The following HECTD4 variants were observed in gnomAD, a reference collection of about 807,000 sequenced individuals.
The protein encoded by HECTD4 is probable E3 ubiquitin-protein ligase HECTD4.
HECTD4 carries 114 observed loss-of-function variants against 471.5 expected under a neutral mutation model. The ratio of observed to expected loss-of-function variants is 0.24; its 90% CI spans 0.21 to 0.28. The LOEUF is 0.28. Ranked by LOEUF, HECTD4 falls within the 10% of genes least tolerant of loss-of-function variation. The pLI is 1.00. For missense variants in HECTD4, 3,866 were observed against 5,651.5 expected, an observed-to-expected ratio of 0.68 and a Z score of 10.13; for synonymous variants, 2,012 against 2,256.0, an observed-to-expected ratio of 0.89 and a Z score of 3.07.
intron 25 of HECTD4, among the ~76,000 whole-genome samples, chr12:112,249,053 T>C (rs1419345168): frequency 6.6e-6 from 1 of 152,166 alleles, no homozygotes; most frequent in African/African-American, 2.4e-5. Context: ...AAAACTGACA[T>C]TGGCTGATAA....
chr12:112,221,449 G>A (rs984159125), intron 44 of HECTD4, among the ~76,000 whole-genome samples: 1 of 152,082 alleles, frequency 6.6e-6, no homozygotes, highest in Non-Finnish European at 1.5e-5. Context: ...ATTTTGCCCA[G>A]GCTGGTCTCA....
At chr12:112,229,606 T>G in intron 41 of HECTD4, 92 bp downstream of exon 41, 7 of 1,280,430 alleles carry the variant, frequency 5.5e-6, no homozygotes, top group Non-Finnish European at 7.6e-6. Context: ...TACAGCTGGT[T>G]GGATAATACT....
chr12:112,168,941 C>A (rs556888534), intron 70 of HECTD4, among the ~76,000 whole-genome samples: 1 of 152,306 alleles, frequency 6.6e-6, no homozygotes, highest in East Asian at 1.9e-4. Context: ...CCCGTGGGGG[C>A]AGATCAGAGG....
In HECTD4 at chr12:112,239,137, C is replaced by T; in HGVS notation, c.5205G>A (p.Gln1735=). 1 of 1,613,974 alleles carries T rather than the reference C, an allele frequency of 6.2e-7. No homozygotes were observed. The highest frequency in any genetic ancestry group is 8.5e-7 in the Non-Finnish European group (1 of 1,179,858). ...NQTESSSSEK[Q]TKKQKVATMA... The stretch of plus-strand genomic sequence containing the variant: ...TGGTGGCCACCTTCTGCTTCTTGGT[C>T]TGTTTCTCACTGGAGCTGGACTCGG... Residue 1735 remains glutamine (Q), a synonymous_variant, in exon 34 of 76, where the codon CAG becomes CAA. Coordinates refer to ENST00000682272, the MANE Select transcript of HECTD4 (RefSeq NM_001388303.1). The surrounding 1 kb of genome is among the most constrained non-coding windows in gnomAD (Gnocchi z 4.9).
rs1346250644 is a variant in HECTD4, at chr12:112,273,808, C to G, written c.1802-13G>C. 2 of 1,612,836 alleles carry G rather than the reference C, an allele frequency of 1.2e-6. No individual in the cohort carries two copies. The highest frequency in any genetic ancestry group is 1.1e-5 in the South Asian group (1 of 90,968). Reference sequence around the variant, plus strand: ...TCATAACACGCTCCTGCAAAAAGAGCATACTGTATTCAGTCACCATGCCAC... The same window carrying G: ...TCATAACACGCTCCTGCAAAAAGAGGATACTGTATTCAGTCACCATGCCAC... On this transcript the variant is annotated splice_polypyrimidine_tract_variant and intron_variant, in intron 10 of 75. Transcript: ENST00000682272.
intron 50 of HECTD4, among the ~76,000 whole-genome samples, chr12:112,209,422 T>C (rs986748893): frequency 6.6e-6 from 1 of 150,992 alleles, no homozygotes; most frequent in African/African-American, 2.4e-5. Flanking sequence ...CACCTCCCGG[T>C]TCAAGCAATT....
chr12:112,369,546 T>G (rs2036630111), intron 1 of HECTD4, among the ~76,000 whole-genome samples: 1 of 151,956 alleles, frequency 6.6e-6, no homozygotes, highest in Non-Finnish European at 1.5e-5. Context: ...GGTTTTCCCA[T>G]GTTGGCCAGG....
chr12:112,291,795 C>T lies in HECTD4; in HGVS notation c.1336-8493G>A, dbSNP rs182539115. Among the ~76,000 whole-genome samples, 379 of 152,184 alleles carry T rather than the reference C, an allele frequency of 2.5e-3. 1 individual carries two copies. The highest frequency in any genetic ancestry group is 4.4e-3 in the Non-Finnish European group (298 of 67,990). ...GCTGAGGCAGGAGAATGGCGTGAAC[C>T]GGGGAGGCGGAGCTTGCAGTGAGCC... On this transcript the variant is annotated intron_variant, in intron 7 of 75. Coordinates refer to ENST00000682272, the MANE Select transcript of HECTD4 (RefSeq NM_001388303.1).
intron 18 of HECTD4, 22 bp from the exon 19 acceptor site, chr12:112,259,287 C>T (rs1334498952): frequency 3.7e-6 from 6 of 1,613,000 alleles, no homozygotes; most frequent in Middle Eastern, 1.6e-4. Context: ...TCAAGAAAAA[C>T]ACACAGCCTA....
chr12:112,331,021 A>C lies in HECTD4; in HGVS notation c.178-11279T>G, dbSNP rs556571840. The stretch of plus-strand genomic sequence containing the variant: ...CCCGCCCCGGTCTGGTTACCTCAGA[A>C]TATGTGAGGATGGGGCCTAGGCATC... On this transcript the variant is annotated intron_variant, in intron 1 of 75. Transcript: ENST00000682272. 1.2e-4 allele frequency among the ~76,000 whole-genome samples: 19 copies of C among 152,228 alleles called. No homozygotes were observed. The South Asian group carries it at 3.1e-3, about 25-fold the overall frequency.
chr12:112,374,003 CAAAA>C (rs1007853408), intron 1 of HECTD4, among the ~76,000 whole-genome samples: 1 of 60,886 alleles, frequency 1.6e-5, no homozygotes, highest in African/African-American at 5.4e-5. Flanking sequence ...GACTCTGTCT[CAAAA>C]AAAAAAAAAA....
chr12:112,189,815 G>A (rs1351719996), intron 60 of HECTD4, among the ~76,000 whole-genome samples: 3 of 151,596 alleles, frequency 2.0e-5, no homozygotes, highest in Non-Finnish European at 2.9e-5. Flanking sequence ...GTGCAATGGC[G>A]CAATCTTGGC....
chr12:112,189,570 A>G (rs1363321491), intron 60 of HECTD4, among the ~76,000 whole-genome samples: 3 of 151,102 alleles, frequency 2.0e-5, no homozygotes, highest in Non-Finnish European at 4.4e-5. Flanking sequence ...AAAAAAAAAA[A>G]AAAAAGAAAG....
At chr12:112,248,586 T>G (rs1372465737) in intron 25 of HECTD4, 74 bp from the exon 26 acceptor site, 1 of 1,022,562 alleles carries the variant, frequency 9.8e-7, no homozygotes, top group Non-Finnish European at 1.4e-6. Context: ...TATTTTTATT[T>G]TTTATTTCTT....
intron 60 of HECTD4, among the ~76,000 whole-genome samples, chr12:112,189,922 T>G (rs1304180184): frequency 6.6e-6 from 1 of 152,100 alleles, no homozygotes; most frequent in Non-Finnish European, 1.5e-5. Context: ...CCCGGCCAAT[T>G]TTTTGTATTT....
rs4767530 is a variant in HECTD4, at chr12:112,241,372, C to T, written c.4959-1345G>A. The stretch of plus-strand genomic sequence containing the variant: ...ATGAGCCAGAGTTCTGACAAGGAGC[C>T]TGGCAGCTCTTGAGGTGATGGTTTC... On this transcript the variant is annotated intron_variant, in intron 32 of 75. Coordinates refer to ENST00000682272, the MANE Select transcript of HECTD4 (RefSeq NM_001388303.1). Among the ~76,000 whole-genome samples, 8,439 of 152,244 alleles carry T rather than the reference C, an allele frequency of 0.055. 1,290 individuals are homozygous for T. The East Asian group carries it at 0.61, about 11-fold the overall frequency.
chr12:112,174,734 T>C (rs2031371213), intron 66 of HECTD4, among the ~76,000 whole-genome samples: 1 of 151,982 alleles, frequency 6.6e-6, no homozygotes, highest in Non-Finnish European at 1.5e-5. Context: ...CGGCTAATTT[T>C]TGTATTTTTA....
rs1421567521 is a variant in HECTD4, at chr12:112,250,994, T to G, written c.3693A>C (p.Leu1231=). 1.4e-5 allele frequency: 22 copies of G among 1,613,130 alleles called. No individual in the cohort carries two copies. Among genetic ancestry groups the G allele is most frequent in the Non-Finnish European group, 1.9e-5 (22 of 1,179,554 alleles). ...ACCTTTGTAAAAGTTTGGACCGCAA[T>G]AGCTCCTGACAGGCTTCTTCTTCTT... ...ITKEEEACQE[L]LRSKLLQRCQ... Residue 1231 remains leucine, a synonymous_variant, in exon 24 of 76, where the codon CTA becomes CTC. Transcript: ENST00000682272.
chr12:112,256,005 G>T (rs983059278), intron 21 of HECTD4, among the ~76,000 whole-genome samples: 1 of 152,174 alleles, frequency 6.6e-6, no homozygotes, highest in Admixed American at 6.5e-5. Context: ...CTTCAAGCAC[G>T]GAGGGAGGGC....
Sources: allele counts gnomAD v4.1 joint callset (sites outside exome capture counted in the v4.1 genomes callset), GRCh38; gene constraint gnomAD v4.1.1; non-coding constraint Gnocchi (gnomAD v3.1); transcripts MANE v1.5; gene names NCBI Gene and HGNC (gene_info 2026-07-23, HGNC 2026-07-21).